The following AFF2 variants were observed in gnomAD, a reference collection of about 807,000 sequenced individuals.
AFF2 encodes ALF transcription elongation factor 2, also known as AF4/FMR2 family member 2.
AFF2 carries 14 observed loss-of-function variants against 76.9 expected under a neutral mutation model. The observed-to-expected ratio is 0.18, with a 90% CI of 0.12 to 0.28. The LOEUF (loss-of-function observed/expected upper bound fraction) is 0.28, where lower values mean the gene tolerates loss of function less well. Ranked by LOEUF, AFF2 falls within the 10% of genes least tolerant of loss-of-function variation. The pLI is 1.00. For synonymous variants in AFF2, 398 were observed against 366.7 expected, an observed-to-expected ratio of 1.09 and a Z score of -0.98; for missense variants, 868 against 1,001.1, an observed-to-expected ratio of 0.87 and a Z score of 1.79.
chrX:148,515,623 G>A (rs2052526946), intron 1 of AFF2, among the ~76,000 whole-genome samples: 2 of 111,739 alleles, frequency 1.8e-5, no homozygotes, highest in African/African-American at 6.5e-5. Context: ...AAGCTATAAC[G>A]ATATAAAAAG....
chrX:148,712,591 C>T (rs782137533), intron 3 of AFF2, among the ~76,000 whole-genome samples: 1 of 111,889 alleles, frequency 8.9e-6, no homozygotes, highest in Non-Finnish European at 1.9e-5. Flanking sequence ...AAAGAAAAAA[C>T]AGTCTATTAT....
intron 3 of AFF2, among the ~76,000 whole-genome samples, chrX:148,751,538 G>A (rs2055498926): frequency 1.8e-5 from 2 of 112,210 alleles, no homozygotes; most frequent in South Asian, 7.4e-4. Context: ...TGGCCTTTCT[G>A]TAGGAGAAAG....
chrX:148,983,957 A>AAAAAAAAAAAAAAAAAAAAAAAAC, intron 19 of AFF2, among the ~76,000 whole-genome samples: 3 of 97,500 alleles, frequency 3.1e-5, no homozygotes, highest in African/African-American at 1.1e-4. Context: ...AATAGACAAA[A>AAAAAAAAAAAAAAAAAAAAAAAAC]AAAAAAAAAA....
chrX:148,596,250 G>T (rs1467819491), intron 1 of AFF2, among the ~76,000 whole-genome samples: 1 of 111,896 alleles, frequency 8.9e-6, no homozygotes, highest in African/African-American at 3.2e-5. Context: ...CAACAGTAAA[G>T]AAGCAAAGCC....
At chrX:148,597,477 T>C (rs1266415578) in intron 1 of AFF2, among the ~76,000 whole-genome samples, 7 of 112,266 alleles carry the variant, frequency 6.2e-5, no homozygotes, top group African/African-American at 2.3e-4. Flanking sequence ...ATCAGGATCA[T>C]AAAATAATTT....
chrX:148,632,099 A>G (rs1255549746), intron 1 of AFF2, among the ~76,000 whole-genome samples: 3 of 112,194 alleles, frequency 2.7e-5, no homozygotes, highest in Non-Finnish European at 5.6e-5. Context: ...ACAAATTTGT[A>G]TTGAACTTGA....
At chrX:148,613,383 G>T (rs949872103) in intron 1 of AFF2, among the ~76,000 whole-genome samples, 1 of 111,649 alleles carries the variant, frequency 9.0e-6, no homozygotes, top group African/African-American at 3.3e-5. Flanking sequence ...TCCCAGGAAA[G>T]AATTGCAAGT....
intron 3 of AFF2, among the ~76,000 whole-genome samples, chrX:148,808,062 G>A (rs1344079137): frequency 8.9e-6 from 1 of 112,181 alleles, no homozygotes; most frequent in African/African-American, 3.2e-5. Flanking sequence ...TTTTAGACAG[G>A]TGTCTCACAG....
At chrX:148,785,622 G>C (rs1346781167) in intron 3 of AFF2, among the ~76,000 whole-genome samples, 1 of 111,435 alleles carries the variant, frequency 9.0e-6, no homozygotes, top group Non-Finnish European at 1.9e-5. Context: ...CAAATTTTAA[G>C]ACTGACTTCT....
In AFF2 at chrX:148,992,682, G is replaced by C. The variant is rs2072546545; in HGVS notation, c.*1350G>C. The C allele has an allele frequency of 8.9e-6, 1 of 111,732 alleles. No homozygotes were observed. The highest frequency in any genetic ancestry group is 1.9e-5 in the Non-Finnish European group (1 of 53,090). The allele number at this position is 111,732 out of a possible 1,213,427, so 9.2% of individuals were successfully genotyped here. A position where few individuals can be genotyped will look rare whatever the true frequency, so the allele number is the denominator to read the frequency against. On this transcript the variant is annotated 3_prime_UTR_variant, in exon 21 of 21. Coordinates refer to ENST00000370460, the MANE Select transcript of AFF2 (RefSeq NM_002025.4). ...TGCTTTGAAAGAGCCCTAAACATTG[G>C]GAACCATTCACCTAATTTGGAGACA...
In AFF2 at chrX:148,662,192, A is replaced by G; in HGVS notation, c.465A>G (p.Ser155=). 1 of 1,211,254 alleles carries G rather than the reference A, an allele frequency of 8.3e-7. No individual in the cohort carries two copies. The highest frequency in any genetic ancestry group is 1.1e-6 in the Non-Finnish European group (1 of 895,050). The change falls in exon 3 of 21, where the codon TCA becomes TCG. Residue 155 remains serine (S), a synonymous_variant. Transcript: ENST00000370460. ...NSTLIHSNRK[S]KPEWSRDSHN... is the part of the protein sequence containing the mutation. ...CTCTAATACACAGCAACAGAAAATC[A>G]AAACCTGAGTGGTCACGTGATAGTC...
intron 12 of AFF2, among the ~76,000 whole-genome samples, chrX:148,958,898 C>A (rs187501402): frequency 3.4e-4 from 37 of 109,452 alleles, no homozygotes; most frequent in African/African-American, 5.4e-4. Flanking sequence ...CTTGACAGAA[C>A]GAGGCAGCTG....
chrX:148,526,224 C>CATTT (rs2052657085), intron 1 of AFF2, among the ~76,000 whole-genome samples: 1 of 111,115 alleles, frequency 9.0e-6, no homozygotes, highest in Non-Finnish European at 1.9e-5. Flanking sequence ...TTACTATCAT[C>CATTT]ATTTATTTAT....
At chrX:148,908,213 C>T (rs781934033) in intron 9 of AFF2, among the ~76,000 whole-genome samples, 7 of 110,705 alleles carry the variant, frequency 6.3e-5, no homozygotes, top group South Asian at 8.0e-4. Context: ...GGTCCTGAGG[C>T]GACATACATC....
At chrX:148,947,913 G>A (rs1047405064) in intron 9 of AFF2, among the ~76,000 whole-genome samples, 1 of 112,469 alleles carries the variant, frequency 8.9e-6, no homozygotes, top group African/African-American at 3.2e-5. Context: ...AACTGAAGAG[G>A]AGAGTTTCAT....
chrX:148,860,598 A>C (rs1343038850), intron 7 of AFF2, among the ~76,000 whole-genome samples: 1 of 112,226 alleles, frequency 8.9e-6, no homozygotes, highest in African/African-American at 3.2e-5. Flanking sequence ...TCTTGAATAC[A>C]GAAGACGCAC....
chrX:148,588,371 A>G (rs1557246158), intron 1 of AFF2, among the ~76,000 whole-genome samples: 1 of 112,709 alleles, frequency 8.9e-6, no homozygotes, highest in Non-Finnish European at 1.9e-5. Flanking sequence ...AAGGTTTCAC[A>G]GCTGTCACCT....
At chrX:148,558,210 A>T (rs922063709) in intron 1 of AFF2, among the ~76,000 whole-genome samples, 7 of 111,725 alleles carry the variant, frequency 6.3e-5, no homozygotes, top group Non-Finnish European at 1.3e-4. Flanking sequence ...TCCAGCCCTC[A>T]CTTGGTTTTA....
intron 7 of AFF2, among the ~76,000 whole-genome samples, chrX:148,884,787 G>GA (rs782439438): frequency 8.9e-6 from 1 of 111,817 alleles, no homozygotes; most frequent in Non-Finnish European, 1.9e-5. Flanking sequence ...TTGGGTAGAG[G>GA]AAAAAAATAT....
Sources: gnomAD v4.1 joint callset for allele counts (sites outside exome capture counted in the v4.1 genomes callset) on GRCh38, gnomAD v4.1.1 for gene constraint, MANE v1.5 for transcripts, NCBI Gene and HGNC (gene_info 2026-07-23, HGNC 2026-07-21) for gene names.